Variants in PHF20L1 observed in about 807,000 individuals in gnomAD.
PHF20L1 encodes PHD finger protein 20-like protein 1.
A neutral mutation model predicts 125.5 loss-of-function variants in PHF20L1; 44 were observed. That is an observed-to-expected ratio of 0.35 (90% CI 0.28 to 0.45). The LOEUF (loss-of-function observed/expected upper bound fraction) is 0.45. PHF20L1 is among the 20% of genes least tolerant of loss of function. The probability of loss-of-function intolerance (pLI) is 1.00; values close to 1 mark genes in which losing one functional copy is unlikely to be tolerated. For missense variants in PHF20L1, 1,012 were observed against 1,217.2 expected (o/e 0.83, Z 2.51); for synonymous variants, 380 against 403.1 (o/e 0.94, Z 0.69).
chr8:132,841,318 CTA>C (rs1352908123), intron 18 of PHF20L1, among the ~76,000 whole-genome samples: 2 of 152,054 alleles, frequency 1.3e-5, no homozygotes, highest in African/African-American at 4.8e-5. Flanking sequence ...TCAGGCTTCT[CTA>C]TGGCACAGCA....
intron 14 of PHF20L1, among the ~76,000 whole-genome samples, chr8:132,829,306 C>A (rs534457126): frequency 1.3e-5 from 2 of 152,090 alleles, no homozygotes; most frequent in African/African-American, 4.8e-5. Flanking sequence ...AAATCCTGCC[C>A]GTAACACTTA....
chr8:132,835,801 G>A (rs1037221092), intron 15 of PHF20L1, among the ~76,000 whole-genome samples: 5 of 151,976 alleles, frequency 3.3e-5, no homozygotes, highest in Admixed American at 6.6e-5. Flanking sequence ...CCATGGCTGC[G>A]TTTCTCAAGC....
chr8:132,788,470 A>T (rs1371943544), intron 2 of PHF20L1, among the ~76,000 whole-genome samples: 5 of 152,096 alleles, frequency 3.3e-5, no homozygotes, highest in Admixed American at 1.3e-4. Flanking sequence ...TCTTTAGGGC[A>T]TTTGGCAGCA....
rs1837664967 is a variant in PHF20L1, at chr8:132,839,083, C to T, written c.2192-304C>T. 1.2e-5 allele frequency: 3 copies of T among 246,202 alleles called. No homozygotes were observed. The South Asian group carries it at 3.0e-4, about 24-fold the overall frequency. 15.3% of individuals were successfully genotyped at this position (246,202 alleles called of 1,614,324 possible). On this transcript the variant is annotated intron_variant, in intron 17 of 20. Transcript: ENST00000395386. ...CTAGTTTTTATCCAGCCCTTTGAGC[C>T]TTTTTAGAGGACAGATGATGACTAC...
chr8:132,844,258 A>G lies in PHF20L1; in HGVS notation c.2851A>G (p.Ile951Val), dbSNP rs200125573. The change falls in exon 20 of 21, where the codon ATA becomes GTA. Residue 951 changes from isoleucine (I) to valine (V), a missense_variant. This residue lies in a region of PHF20L1 where 277 missense variants were observed against 283.6 expected (regional missense o/e 0.98). Transcript: ENST00000395386. The part of the protein sequence containing the change: ...LQWQLNLLTH[I>V]ENVQNEVTSR... ...GTGGCAGCTCAATCTCCTTACACAC[A>G]TAGAAAATGTGCAGAACGAAGTTAC... The G allele has an allele frequency of 1.6e-5, 25 of 1,612,802 alleles. No homozygotes were observed. In the Admixed American group the frequency reaches 3.7e-4, roughly 24 times the overall value.
chr8:132,816,748 G>A lies in PHF20L1; in HGVS notation c.1184-140G>A, dbSNP rs1165941739. On this transcript the variant is annotated intron_variant, in intron 10 of 20. Transcript: ENST00000395386. ...CAATTTTTGCCTTTGATTACCTTTG[G>A]AACATGCCATTCCTTGTGGATATCT... is the stretch of plus-strand genomic sequence containing the variant. The A allele has an allele frequency of 8.0e-6, 5 of 622,146 alleles. No individual in the cohort carries two copies. In the African/African-American group the frequency reaches 9.6e-5, roughly 12 times the overall value. 38.5% of individuals were successfully genotyped at this position (622,146 alleles called of 1,614,324 possible).
In PHF20L1 at chr8:132,847,435, A is replaced by G. The variant is rs537853825; in HGVS notation, c.*1512A>G. On this transcript the variant is annotated 3_prime_UTR_variant, in exon 21 of 21. Transcript: ENST00000395386. ...CAGTTCTCGCAATCTGTATAAATGCATTTTAGAACTGATAGACAGTAAACT... is the reference window on the plus strand; with the variant it reads ...CAGTTCTCGCAATCTGTATAAATGCGTTTTAGAACTGATAGACAGTAAACT... The G allele has an allele frequency of 1.3e-5, 2 of 152,734 alleles. No individual in the cohort carries two copies. Among genetic ancestry groups the G allele is most frequent in the East Asian group, 3.9e-4 (2 of 5,194 alleles). The allele number at this position is 152,734 out of a possible 1,614,324, so 9.5% of individuals were successfully genotyped here. A position where few individuals can be genotyped will look rare whatever the true frequency, so the allele number is the denominator to read the frequency against.
chr8:132,846,054 G>A lies in PHF20L1; in HGVS notation c.*131G>A, dbSNP rs62514122. 1.1e-3 allele frequency: 681 copies of A among 646,340 alleles called. 2 individuals are homozygous for A. The highest frequency in any genetic ancestry group is 1.5e-3 in the Non-Finnish European group (596 of 391,014). 40.0% of individuals were successfully genotyped at this position (646,340 alleles called of 1,614,324 possible). ...CATTCACTGATTTGTGATGTCAATA[G>A]GATGGCACCTTGGAAAGAAAAATGA... On this transcript the variant is annotated 3_prime_UTR_variant, in exon 21 of 21. Transcript: ENST00000395386.
intron 19 of PHF20L1, chr8:132,843,436 T>G (rs930658485): frequency 1.0e-6 from 1 of 979,760 alleles, no homozygotes; most frequent in Non-Finnish European, 1.2e-6. Context: ...GAGGCCACTT[T>G]AAAATTAGAT....
At chr8:132,812,426 G>A in intron 9 of PHF20L1, 5 of 985,000 alleles carry the variant, frequency 5.1e-6, no homozygotes, top group Non-Finnish European at 6.0e-6. Context: ...GTCTTAGAGA[G>A]AAGTACAGAA....
At position 132,799,030 on chromosome 8, in the gene PHF20L1, A is replaced by G. The variant is rs551056176; in HGVS notation, c.430-65A>G. ...AAGCTTAGACTGTAAAATAAATTAT[A>G]CATTTGATTTTTGCTTCTTTGGTTT... On this transcript the variant is annotated intron_variant, in intron 5 of 20. Transcript: ENST00000395386. 4 of 1,382,996 alleles carry G rather than the reference A, an allele frequency of 2.9e-6. No individual in the cohort carries two copies. In the East Asian group the frequency reaches 7.2e-5, roughly 25 times the overall value. 85.7% of individuals were successfully genotyped at this position (1,382,996 alleles called of 1,614,324 possible). A position where few individuals can be genotyped will look rare whatever the true frequency, so the allele number is the denominator to read the frequency against.
At chr8:132,836,102 T>C (rs1179512022) in intron 15 of PHF20L1, among the ~76,000 whole-genome samples, 5 of 152,128 alleles carry the variant, frequency 3.3e-5, no homozygotes, top group African/African-American at 1.2e-4. Flanking sequence ...TTGTGCTGGC[T>C]AATGGGGGCT....
At chr8:132,842,153 C>A in intron 18 of PHF20L1, 1 of 161,582 alleles carries the variant, frequency 6.2e-6, no homozygotes, top group Non-Finnish European at 1.3e-5. Context: ...TTTTTGTCAT[C>A]AGGAGTTATC....
chr8:132,816,047 CA>C (rs1167248336), intron 10 of PHF20L1: 7 of 151,842 alleles, frequency 4.6e-5, no homozygotes, highest in Non-Finnish European at 7.4e-5. Flanking sequence ...CTTAAATACC[CA>C]AACATCAATG....
intron 10 of PHF20L1, chr8:132,816,547 A>G (rs1294952871): frequency 5.0e-6 from 1 of 201,064 alleles, no homozygotes; most frequent in East Asian, 1.4e-4. Context: ...TGCTGTAAAG[A>G]GACTATTTTC....
At chr8:132,805,074 A>G (rs1157533506) in intron 8 of PHF20L1, among the ~76,000 whole-genome samples, 4 of 151,914 alleles carry the variant, frequency 2.6e-5, no homozygotes, top group Admixed American at 6.6e-5. Context: ...ACGGTGACAC[A>G]GTTTCTCAGA....
intron 8 of PHF20L1, chr8:132,810,330 C>T (rs899294881): frequency 6.6e-6 from 1 of 152,152 alleles, no homozygotes; most frequent in African/African-American, 2.4e-5. Context: ...AGGGGTGAGC[C>T]ACTGCGCCTG....
chr8:132,784,783 A>T (rs1294569171), intron 2 of PHF20L1, among the ~76,000 whole-genome samples: 1 of 152,192 alleles, frequency 6.6e-6, no homozygotes, highest in African/African-American at 2.4e-5. Context: ...GCCTCAGTTA[A>T]CTAAATGGGC....
chr8:132,843,394 G>GT, intron 19 of PHF20L1: 1 of 980,160 alleles, frequency 1.0e-6, no homozygotes, highest in Non-Finnish European at 1.2e-6. Context: ...TCTTAGAAAT[G>GT]TACCTTTATT....
Sources: allele counts gnomAD v4.1 joint callset (sites outside exome capture counted in the v4.1 genomes callset), GRCh38; gene constraint gnomAD v4.1.1; regional missense constraint gnomAD v4.1.1; transcripts MANE v1.5; gene names NCBI Gene and HGNC (gene_info 2026-07-23, HGNC 2026-07-21).